KLF12: variants seen among roughly 807,000 people sequenced by gnomAD.
KLF12 encodes KLF transcription factor 12.
A neutral mutation model predicts 37.8 loss-of-function variants in KLF12; 9 were observed. The ratio of observed to expected loss-of-function variants is 0.24; its 90% CI spans 0.14 to 0.42. The LOEUF (loss-of-function observed/expected upper bound fraction) is 0.42, where lower values mean the gene tolerates loss of function less well. Ranked by LOEUF, KLF12 falls within the 10% of genes least tolerant of loss-of-function variation. The pLI is 1.00. For missense variants in KLF12, 411 were observed against 516.0 expected, an observed-to-expected ratio of 0.80 and a Z score of 1.97; for synonymous variants, 208 against 202.1, an observed-to-expected ratio of 1.03 and a Z score of -0.25.
intron 1 of KLF12, among the ~76,000 whole-genome samples, chr13:74,070,720 T>C (rs1467428650): frequency 6.6e-6 from 1 of 152,128 alleles, no homozygotes; most frequent in Admixed American, 6.6e-5. Context: ...AGAATGGCAT[T>C]GTTAAGGCAG....
chr13:74,135,977 C>T (rs541076220), upstream of KLF12, among the ~76,000 whole-genome samples: 2 of 152,194 alleles, frequency 1.3e-5, no homozygotes, highest in Non-Finnish European at 2.9e-5. Context: ...CTGGTGCGTT[C>T]TCTGCCTCTT....
intron 3 of KLF12, among the ~76,000 whole-genome samples, chr13:73,871,718 T>A (rs532599092): frequency 4.6e-5 from 7 of 152,278 alleles, no homozygotes; most frequent in Non-Finnish European, 1.0e-4. Flanking sequence ...TAGGACACAG[T>A]TCAGACATTC....
intron 1 of KLF12, among the ~76,000 whole-genome samples, chr13:74,041,553 G>A (rs974551671): frequency 6.6e-6 from 1 of 152,008 alleles, no homozygotes; most frequent in Non-Finnish European, 1.5e-5. Flanking sequence ...GGAGGATGGG[G>A]GCTTTTAAGA....
the KLF12 span, among the ~76,000 whole-genome samples, chr13:74,288,377 T>C: frequency 6.6e-6 from 1 of 152,234 alleles, no homozygotes; most frequent in African/African-American, 2.4e-5. Flanking sequence ...TATGGGATTA[T>C]AAACGGCAGA....
chr13:73,838,051 A>C (rs1884533837), intron 4 of KLF12, among the ~76,000 whole-genome samples: 1 of 152,176 alleles, frequency 6.6e-6, no homozygotes, highest in African/African-American at 2.4e-5. Flanking sequence ...GACACCAACA[A>C]GTGAGAACGC....
chr13:73,912,322 T>C (rs979074851), intron 3 of KLF12, among the ~76,000 whole-genome samples: 2 of 152,194 alleles, frequency 1.3e-5, no homozygotes, highest in Non-Finnish European at 2.9e-5. Context: ...TTGGGTTGAA[T>C]TGTGTTCTCC....
At chr13:74,265,821 G>T in the KLF12 span, among the ~76,000 whole-genome samples, 1 of 152,198 alleles carries the variant, frequency 6.6e-6, no homozygotes, top group African/African-American at 2.4e-5. Flanking sequence ...GAACAAGGAT[G>T]GAAGTCCTGG....
chr13:74,252,040 C>T, the KLF12 span, among the ~76,000 whole-genome samples: 2 of 152,300 alleles, frequency 1.3e-5, no homozygotes, highest in African/African-American at 4.8e-5. Context: ...CTGAACTTGA[C>T]AGCTGTGGTT....
At chr13:73,793,853 C>T (rs989230686) in intron 5 of KLF12, among the ~76,000 whole-genome samples, 3 of 152,072 alleles carry the variant, frequency 2.0e-5, no homozygotes, top group South Asian at 2.1e-4. Context: ...AGTCACGGTG[C>T]GTCATGATAG....
In KLF12 at chr13:74,039,372, C is replaced by A. The variant is rs117240655; in HGVS notation, c.-31-44319G>T. Among the ~76,000 whole-genome samples the A allele has an allele frequency of 6.3e-4, 95 of 150,994 alleles. 1 individual carries two copies. The East Asian group carries it at 0.018, about 29-fold the overall frequency. ...GCAACACAGCAAGACCCCATCTCTACCAAAAGAAAAAATAGCCAGGCAAGT... is the reference window on the plus strand; with the variant it reads ...GCAACACAGCAAGACCCCATCTCTAACAAAAGAAAAAATAGCCAGGCAAGT... On this transcript the variant is annotated intron_variant, in intron 1 of 7. Transcript: ENST00000377669.
intron 3 of KLF12, among the ~76,000 whole-genome samples, chr13:73,874,609 C>T (rs1306876830): frequency 6.6e-6 from 1 of 152,146 alleles, no homozygotes; most frequent in Non-Finnish European, 1.5e-5. Flanking sequence ...TTAACACTAA[C>T]GTGTGGTACA....
At chr13:73,812,386 CAA>C (rs11354700) in intron 5 of KLF12, among the ~76,000 whole-genome samples, 218 of 149,002 alleles carry the variant, frequency 1.5e-3, no homozygotes, top group African/African-American at 4.8e-3. Flanking sequence ...TGCATTCTCA[CAA>C]AAAAAAAAAC....
the KLF12 span, among the ~76,000 whole-genome samples, chr13:74,169,190 C>A: frequency 1.3e-3 from 196 of 152,184 alleles, 1 homozygote; most frequent in African/African-American, 3.8e-3. Context: ...TAGAATATGG[C>A]TATGACTTTC....
At chr13:74,101,215 T>A (rs1446986655) in intron 1 of KLF12, among the ~76,000 whole-genome samples, 2 of 152,170 alleles carry the variant, frequency 1.3e-5, no homozygotes, top group Non-Finnish European at 2.9e-5. Flanking sequence ...CCCCTAAAGA[T>A]GATTTACTCT....
At chr13:74,248,936 G>A in the KLF12 span, among the ~76,000 whole-genome samples, 2 of 152,288 alleles carry the variant, frequency 1.3e-5, no homozygotes, top group East Asian at 3.9e-4. Context: ...GTGAAAATGT[G>A]TGGGAACAAT....
the KLF12 span, among the ~76,000 whole-genome samples, chr13:74,266,571 G>C: frequency 7.9e-4 from 120 of 152,274 alleles, no homozygotes; most frequent in Admixed American, 1.1e-3. Context: ...GTATCATCCT[G>C]CTACGCTGCT....
intron 1 of KLF12, among the ~76,000 whole-genome samples, chr13:74,043,824 T>C (rs1465337134): frequency 6.6e-6 from 1 of 152,210 alleles, no homozygotes; most frequent in South Asian, 2.1e-4. Context: ...AATTGCTGTG[T>C]GGGTTGAAAG....
intron 1 of KLF12, among the ~76,000 whole-genome samples, chr13:74,119,983 CAA>C (rs998936999): frequency 2.2e-5 from 3 of 136,356 alleles, no homozygotes; most frequent in Admixed American, 1.5e-4. Context: ...TACATATAGA[CAA>C]AAAAAAAAAG....
chr13:73,709,080 T>C (rs1399138670), intron 7 of KLF12, among the ~76,000 whole-genome samples: 2 of 152,242 alleles, frequency 1.3e-5, no homozygotes, highest in Admixed American at 6.5e-5. Flanking sequence ...CTTCGTGTTA[T>C]TATCTAAACT....
Sources: gnomAD v4.1 joint callset for allele counts (sites outside exome capture counted in the v4.1 genomes callset) on GRCh38, gnomAD v4.1.1 for gene constraint, MANE v1.5 for transcripts, NCBI Gene and HGNC (gene_info 2026-07-23, HGNC 2026-07-21) for gene names.